The following PRKAR1B variants were observed in gnomAD, a reference collection of about 807,000 sequenced individuals.
PRKAR1B encodes the protein cAMP-dependent protein kinase type I-beta regulatory subunit.
A neutral mutation model predicts 46.5 loss-of-function variants in PRKAR1B; 22 were observed. That is an observed-to-expected ratio of 0.47 (90% CI 0.34 to 0.68). PRKAR1B has a LOEUF of 0.68. Among genes scored for constraint, PRKAR1B ranks in the 30% least tolerant of loss-of-function variants. PRKAR1B has a pLI of 0.01. For missense variants in PRKAR1B, 445 were observed against 535.6 expected (o/e 0.83, Z 1.67); for synonymous variants, 259 against 217.7 (o/e 1.19, Z -1.67).
intron 2 of PRKAR1B, among the ~76,000 whole-genome samples, chr7:695,424 C>G (rs376500603): frequency 1.3e-5 from 2 of 152,196 alleles, no homozygotes; most frequent in South Asian, 2.1e-4. Context: ...GAGAGAGCCC[C>G]GTGCCGGTCA....
chr7:561,618 C>G (rs1002959888), intron 9 of PRKAR1B, among the ~76,000 whole-genome samples: 10 of 152,242 alleles, frequency 6.6e-5, no homozygotes, highest in African/African-American at 2.4e-4. Context: ...GCTCCTCAGG[C>G]CCGGCTGGCC....
At chr7:561,783 C>G (rs377312013) in intron 9 of PRKAR1B, among the ~76,000 whole-genome samples, 6 of 152,284 alleles carry the variant, frequency 3.9e-5, no homozygotes, top group African/African-American at 1.4e-4. Flanking sequence ...AAAGGCACGG[C>G]CCAGCAGCTT....
chr7:621,577 C>A (rs552605525), intron 4 of PRKAR1B, among the ~76,000 whole-genome samples: 1 of 152,332 alleles, frequency 6.6e-6, no homozygotes, highest in Admixed American at 6.5e-5. Flanking sequence ...ATTCCTGAAC[C>A]CCCAGGATCC....
chr7:677,547 C>T (rs1163511374), intron 3 of PRKAR1B, among the ~76,000 whole-genome samples: 1 of 152,198 alleles, frequency 6.6e-6, no homozygotes, highest in African/African-American at 2.4e-5. Flanking sequence ...CCACTTCAGC[C>T]TCCCAAGTAG....
chr7:643,453 T>C (rs1784485723), intron 4 of PRKAR1B, among the ~76,000 whole-genome samples: 2 of 151,514 alleles, frequency 1.3e-5, no homozygotes, highest in African/African-American at 4.9e-5. Flanking sequence ...ACAGGCACAG[T>C]GGCTCATGCC....
chr7:683,035 G>A lies in PRKAR1B; in HGVS notation c.178-2309C>T, dbSNP rs532827533. ...CGGGAGCTTCCCGAAAAAAGATGGC[G>A]GCCCTATCAGGCAGGGCCTTGCGTC... On this transcript the variant is annotated intron_variant, in intron 2 of 10. Coordinates refer to ENST00000537384, the MANE Select transcript of PRKAR1B (RefSeq NM_001164760.2). Among the ~76,000 whole-genome samples, 141 of 152,310 alleles carry A rather than the reference G, an allele frequency of 9.3e-4. 2 individuals are homozygous for A. The highest frequency in any genetic ancestry group is 3.7e-4 in the Non-Finnish European group (25 of 68,028).
intron 1 of PRKAR1B, chr7:726,474 C>T: frequency 2.8e-6 from 1 of 363,014 alleles, no homozygotes; most frequent in Non-Finnish European, 4.9e-6. Context: ...GGGCGAGCTG[C>T]ACCCTCCCGA....
At chr7:564,167 G>T (rs28542602) in intron 9 of PRKAR1B, among the ~76,000 whole-genome samples, 2,670 of 152,196 alleles carry the variant, frequency 0.018, 89 homozygotes, top group East Asian at 0.16. Flanking sequence ...CCTCAGCCCA[G>T]TGGGCCCCTC....
chr7:610,939 C>T (rs375907734), intron 4 of PRKAR1B, among the ~76,000 whole-genome samples: 11 of 152,342 alleles, frequency 7.2e-5, no homozygotes, highest in East Asian at 3.9e-4. Flanking sequence ...TCTGGGGACA[C>T]GGAAGGCCCC....
At position 667,387 on chromosome 7, in the gene PRKAR1B, C is replaced by T. The variant is rs777731663; in HGVS notation, c.440+9842G>A. Among the ~76,000 whole-genome samples the T allele has an allele frequency of 3.1e-4, 47 of 152,182 alleles. No individual in the cohort carries two copies. Among genetic ancestry groups the T allele is most frequent in the Non-Finnish European group, 3.1e-4 (21 of 68,038 alleles). On this transcript the variant is annotated intron_variant, in intron 4 of 10. Coordinates refer to ENST00000537384, the MANE Select transcript of PRKAR1B (RefSeq NM_001164760.2). This position sits in a 1 kb window ranked among gnomAD's most constrained non-coding sequence, Gnocchi z 4.3. ...ACTTATAAATGACATCCACAACTCT[C>T]TCCTTCCAAAAGATGTTTTAAACAC...
intron 4 of PRKAR1B, among the ~76,000 whole-genome samples, chr7:673,045 T>TAA (rs992683667): frequency 0.017 from 449 of 26,532 alleles, 147 homozygotes; most frequent in African/African-American, 0.02. Context: ...GCCTTGTCTT[T>TAA]AAAAAAAAAA....
At chr7:563,075 C>T (rs1778906083) in intron 9 of PRKAR1B, among the ~76,000 whole-genome samples, 1 of 152,212 alleles carries the variant, frequency 6.6e-6, no homozygotes, top group African/African-American at 2.4e-5. Flanking sequence ...CAGCACCTCT[C>T]ATCCCAGGAG....
intron 4 of PRKAR1B, among the ~76,000 whole-genome samples, chr7:653,414 C>G (rs1785018369): frequency 6.6e-6 from 1 of 152,214 alleles, no homozygotes; most frequent in Admixed American, 6.5e-5. Flanking sequence ...TGAGGGCTGG[C>G]TTCCAGAAGT....
chr7:551,187 C>T (rs980808428), intron 10 of PRKAR1B, among the ~76,000 whole-genome samples: 1 of 152,142 alleles, frequency 6.6e-6, no homozygotes, highest in South Asian at 2.1e-4. Flanking sequence ...CTCGTTGCTC[C>T]TGGGGACCCA....
At chr7:605,698 G>C (rs150018748) in intron 6 of PRKAR1B, among the ~76,000 whole-genome samples, 6 of 152,298 alleles carry the variant, frequency 3.9e-5, no homozygotes, top group African/African-American at 1.4e-4. Flanking sequence ...AGTGAGACCC[G>C]ACTCACGGCT....
chr7:583,398 C>A (rs879308067), intron 8 of PRKAR1B, among the ~76,000 whole-genome samples: 2,229 of 148,840 alleles, frequency 0.015, 50 homozygotes, highest in East Asian at 0.063. Flanking sequence ...CTCACACCCC[C>A]CACACGTGTG....
intron 4 of PRKAR1B, among the ~76,000 whole-genome samples, chr7:640,925 T>C (rs1224775164): frequency 6.6e-6 from 1 of 151,830 alleles, no homozygotes; most frequent in Non-Finnish European, 1.5e-5. Flanking sequence ...CTGGTGGAAA[T>C]GCAAAATGGT....
chr7:615,193 A>G (rs1247100720), intron 4 of PRKAR1B, among the ~76,000 whole-genome samples: 2 of 152,156 alleles, frequency 1.3e-5, no homozygotes, highest in Admixed American at 1.3e-4. Flanking sequence ...TGGAAGCCCA[A>G]GGCAGGCGGA....
Position 726,933 on chromosome 7 carries a change from C to T in PRKAR1B, c.-23+277G>A, listed in dbSNP as rs957022559. On this transcript the variant is annotated intron_variant, in intron 1 of 10. Coordinates refer to ENST00000537384, the MANE Select transcript of PRKAR1B (RefSeq NM_001164760.2). ...CCGCCGACCCCACCGCTTTCCAGGG[C>T]CCCTGGGCGCGCCTACTGCTGCCGC... 1.1e-5 allele frequency: 15 copies of T among 1,342,270 alleles called. No individual in the cohort carries two copies. Among genetic ancestry groups the T allele is most frequent in the Non-Finnish European group, 1.4e-5 (15 of 1,043,772 alleles). The allele number at this position is 1,342,270 out of a possible 1,614,324, so 83.1% of individuals were successfully genotyped here. A position where few individuals can be genotyped will look rare whatever the true frequency, so the allele number is the denominator to read the frequency against.
Sources: gnomAD v4.1 joint callset for allele counts (sites outside exome capture counted in the v4.1 genomes callset) on GRCh38, gnomAD v4.1.1 for gene constraint, Gnocchi (gnomAD v3.1) non-coding constraint, MANE v1.5 for transcripts, NCBI Gene and HGNC (gene_info 2026-07-23, HGNC 2026-07-21) for gene names.